Variants in NYAP2 observed in about 807,000 individuals in gnomAD.
NYAP2 encodes the protein neuronal tyrosine-phosphorylated phosphoinositide-3-kinase adaptor 2.
Under a neutral mutation model 50.4 loss-of-function variants are expected in NYAP2, and 23 were observed. The ratio of observed to expected loss-of-function variants is 0.46; its 90% CI spans 0.33 to 0.65. The LOEUF (loss-of-function observed/expected upper bound fraction) is 0.65, where lower values mean the gene tolerates loss of function less well. NYAP2 is among the 30% of genes least tolerant of loss of function. The pLI, the probability that NYAP2 is intolerant of heterozygous loss-of-function variation, is 0.02. For missense variants in NYAP2, 885 were observed against 861.0 expected, an observed-to-expected ratio of 1.03 and a Z score of -0.35; for synonymous variants, 394 against 365.2, an observed-to-expected ratio of 1.08 and a Z score of -0.90.
At chr2:225,517,993 G>C (rs1349373548) in intron 4 of NYAP2, among the ~76,000 whole-genome samples, 1 of 152,036 alleles carries the variant, frequency 6.6e-6, no homozygotes, top group Non-Finnish European at 1.5e-5. Context: ...AAGGAAACCA[G>C]TATGTTGAAG....
intron 4 of NYAP2, among the ~76,000 whole-genome samples, chr2:225,562,968 C>A (rs1691900544): frequency 6.6e-6 from 1 of 152,110 alleles, no homozygotes; most frequent in Non-Finnish European, 1.5e-5. Context: ...GACAAGATCT[C>A]CCCACTTACC....
intron 4 of NYAP2, among the ~76,000 whole-genome samples, chr2:225,515,858 G>A (rs1229713759): frequency 2.0e-5 from 3 of 152,110 alleles, no homozygotes; most frequent in African/African-American, 7.2e-5. Flanking sequence ...AAGATGGGGG[G>A]CCTGAATGCA....
intron 3 of NYAP2, among the ~76,000 whole-genome samples, chr2:225,434,439 C>A (rs1368112870): frequency 2.0e-5 from 3 of 152,146 alleles, no homozygotes; most frequent in African/African-American, 7.2e-5. Context: ...GACACTTGTG[C>A]AATTAAAAGT....
intron 3 of NYAP2, among the ~76,000 whole-genome samples, chr2:225,467,440 GGTT>G (rs935828105): frequency 2.6e-5 from 4 of 152,122 alleles, no homozygotes; most frequent in Admixed American, 1.3e-4. Context: ...GGGTGGTGGG[GGTT>G]GTTGTGGTTG....
At chr2:225,449,594 T>G (rs1034488294) in intron 3 of NYAP2, among the ~76,000 whole-genome samples, 3 of 146,994 alleles carry the variant, frequency 2.0e-5, no homozygotes, top group African/African-American at 7.6e-5. Flanking sequence ...TCTCTCTCTC[T>G]CTTTCTCTTT....
At chr2:225,518,639 A>T (rs1432519246) in intron 4 of NYAP2, among the ~76,000 whole-genome samples, 3 of 127,630 alleles carry the variant, frequency 2.4e-5, no homozygotes, top group African/African-American at 8.9e-5. Context: ...TATATAAATA[A>T]ATTAGCTCAA....
chr2:225,669,555 GA>G, the NYAP2 span, among the ~76,000 whole-genome samples: 197 of 151,316 alleles, frequency 1.3e-3, no homozygotes, highest in Non-Finnish European at 2.4e-3. Context: ...CATTTAGTGA[GA>G]AAAAAAAGGA....
rs532953460 is a variant in NYAP2 at position 225,616,608 on chromosome 2, C to T, written c.1619-10309C>T. ...TACCAACAACTAACCAATGGTGGTA[C>T]TGGAAAGAAAGTCAACGTGAGCTCT... is the stretch of plus-strand genomic sequence containing the variant. On this transcript the variant is annotated intron_variant, in intron 5 of 6. Transcript: ENST00000636099. 2.8e-3 allele frequency among the ~76,000 whole-genome samples: 424 copies of T among 152,290 alleles called. 2 individuals are homozygous for T. The highest frequency in any genetic ancestry group is 9.4e-3 in the African/African-American group (389 of 41,562).
intron 4 of NYAP2, among the ~76,000 whole-genome samples, chr2:225,536,519 G>C (rs556924799): frequency 9.1e-6 from 1 of 109,866 alleles, no homozygotes; most frequent in Non-Finnish European, 1.8e-5. Context: ...TATTGCTGTT[G>C]TTGCCTTGTT....
intron 4 of NYAP2, among the ~76,000 whole-genome samples, chr2:225,580,220 T>C (rs956008686): frequency 1.3e-5 from 2 of 152,214 alleles, no homozygotes; most frequent in African/African-American, 4.8e-5. Context: ...TGTTCACTGA[T>C]TTACAGTTTT....
intron 6 of NYAP2, among the ~76,000 whole-genome samples, chr2:225,637,644 C>A (rs1012753426): frequency 1.3e-5 from 2 of 152,126 alleles, no homozygotes; most frequent in Non-Finnish European, 2.9e-5. Flanking sequence ...TTTGGAGGGG[C>A]CTTGGAGGGT....
chr2:225,446,487 T>C (rs1237403669), intron 3 of NYAP2, among the ~76,000 whole-genome samples: 1 of 151,834 alleles, frequency 6.6e-6, no homozygotes, highest in Non-Finnish European at 1.5e-5. Context: ...CCAATTCTGT[T>C]GAACATGAGA....
At chr2:225,601,643 G>C (rs1227794950) in intron 5 of NYAP2, among the ~76,000 whole-genome samples, 1 of 152,038 alleles carries the variant, frequency 6.6e-6, no homozygotes, top group Non-Finnish European at 1.5e-5. Context: ...TCCCAGTGTT[G>C]AGCATCTTTT....
At chr2:225,420,905 A>G (rs1384044669) in intron 3 of NYAP2, among the ~76,000 whole-genome samples, 2 of 151,842 alleles carry the variant, frequency 1.3e-5, no homozygotes, top group East Asian at 3.9e-4. Context: ...TTCTACAGGG[A>G]TTCTTATTTT....
chr2:225,463,638 T>C (rs1689870003), intron 3 of NYAP2, among the ~76,000 whole-genome samples: 1 of 152,262 alleles, frequency 6.6e-6, no homozygotes, highest in Non-Finnish European at 1.5e-5. Context: ...GGATAAATTG[T>C]GCTGTGTGGA....
At chr2:225,514,885 C>G (rs1690899649) in intron 4 of NYAP2, among the ~76,000 whole-genome samples, 1 of 152,164 alleles carries the variant, frequency 6.6e-6, no homozygotes, top group South Asian at 2.1e-4. Flanking sequence ...CAGAGAGCCA[C>G]ATGGTCCTTT....
intron 4 of NYAP2, among the ~76,000 whole-genome samples, chr2:225,578,267 AG>A (rs1692203166): frequency 6.6e-6 from 1 of 152,056 alleles, no homozygotes; most frequent in Admixed American, 6.6e-5. Flanking sequence ...ATCAATAATA[AG>A]AAAAAGGACT....
chr2:225,574,803 C>T (rs370086422), intron 4 of NYAP2, among the ~76,000 whole-genome samples: 18 of 152,222 alleles, frequency 1.2e-4, no homozygotes, highest in African/African-American at 3.4e-4. Context: ...GGTTCAGTAC[C>T]GTAAATCTTT....
intron 4 of NYAP2, among the ~76,000 whole-genome samples, chr2:225,552,810 C>G (rs1312435891): frequency 6.6e-6 from 1 of 152,178 alleles, no homozygotes; most frequent in East Asian, 1.9e-4. Context: ...TCCTCAGCCT[C>G]CCGAGTAGCT....
Sources: allele counts gnomAD v4.1 joint callset (sites outside exome capture counted in the v4.1 genomes callset), GRCh38; gene constraint gnomAD v4.1.1; transcripts MANE v1.5; gene names NCBI Gene and HGNC (gene_info 2026-07-23, HGNC 2026-07-21).